The following XRCC4 variants were observed in gnomAD, a reference collection of about 807,000 sequenced individuals.
The protein encoded by XRCC4 is DNA repair protein XRCC4.
In XRCC4, 28 loss-of-function variants were observed where a neutral mutation model predicts 39.1. The observed-to-expected ratio is 0.72, with a 90% CI of 0.53 to 0.98. XRCC4 has a LOEUF of 0.98. Ranked by LOEUF, XRCC4 falls within the 50% of genes least tolerant of loss-of-function variation. The pLI, the probability that XRCC4 is intolerant of heterozygous loss-of-function variation, is 0.00. For missense variants in XRCC4, 350 were observed against 376.4 expected, an observed-to-expected ratio of 0.93 and a Z score of 0.58; for synonymous variants, 123 against 126.4, an observed-to-expected ratio of 0.97 and a Z score of 0.18.
chr5:83,253,384 A>G (rs1753401336), intron 6 of XRCC4, among the ~76,000 whole-genome samples: 1 of 152,012 alleles, frequency 6.6e-6, no homozygotes, highest in African/African-American at 2.4e-5. Flanking sequence ...TGCAAACAGT[A>G]CACATTTTTT....
Position 83,195,761 on chromosome 5 carries a change from TCA to T in XRCC4, c.316-8_316-7del. The T allele has an allele frequency of 6.5e-7, 1 of 1,539,706 alleles. No individual in the cohort carries two copies. The highest frequency in any genetic ancestry group is 1.3e-5 in the South Asian group (1 of 76,802). ...TCCCCAAATTAACCATGTTTTTCTT[TCA>T]TTTTAGTTCAGACTTGGTTCCTTCA... On this transcript the variant is annotated splice_polypyrimidine_tract_variant and splice_region_variant and intron_variant, in intron 3 of 7. Coordinates refer to ENST00000396027, the MANE Select transcript of XRCC4 (RefSeq NM_003401.5).
intron 3 of XRCC4, among the ~76,000 whole-genome samples, chr5:83,147,108 A>G (rs1748489550): frequency 6.6e-6 from 1 of 152,162 alleles, no homozygotes; most frequent in Admixed American, 6.5e-5. Flanking sequence ...TCTGAACCTT[A>G]GTATCATCGT....
rs1365232406 is a variant in XRCC4 at position 83,341,018 on chromosome 5, T to G, written c.894-12113T>G. Among the ~76,000 whole-genome samples the G allele has an allele frequency of 3.3e-5, 5 of 152,272 alleles. No individual in the cohort carries two copies. The East Asian group carries it at 9.7e-4, about 29-fold the overall frequency. On this transcript the variant is annotated intron_variant, in intron 7 of 7. Transcript: ENST00000396027. ...ATGGTTTCAGACTAATGGATGTTGT[T>G]TTCTCAGCGAAGAAGGTAATACAGC...
At chr5:83,240,244 G>A (rs1371909375) in intron 6 of XRCC4, among the ~76,000 whole-genome samples, 1 of 152,198 alleles carries the variant, frequency 6.6e-6, no homozygotes, top group Non-Finnish European at 1.5e-5. Context: ...CTGTGTGACT[G>A]ACTCAGAGTT....
At chr5:83,292,578 T>C (rs1561458279) in intron 7 of XRCC4, among the ~76,000 whole-genome samples, 1 of 151,966 alleles carries the variant, frequency 6.6e-6, no homozygotes. Flanking sequence ...AGTAGTACTA[T>C]ATTCCCCAAA....
intron 3 of XRCC4, among the ~76,000 whole-genome samples, chr5:83,129,612 G>A (rs6896034): frequency 0.49 from 74,127 of 151,540 alleles, 19,082 homozygotes; most frequent in African/African-American, 0.63. Flanking sequence ...CCATGAGCAT[G>A]GAATGTTCTT....
At chr5:83,177,708 T>G (rs2112639736) in intron 3 of XRCC4, among the ~76,000 whole-genome samples, 1 of 152,248 alleles carries the variant, frequency 6.6e-6, no homozygotes, top group South Asian at 2.1e-4. Context: ...ACGTGAAGAT[T>G]CAGGTTGGAA....
intron 6 of XRCC4, among the ~76,000 whole-genome samples, chr5:83,211,631 C>G (rs796750594): frequency 5.9e-5 from 9 of 152,252 alleles, no homozygotes; most frequent in African/African-American, 2.2e-4. Flanking sequence ...GCCCCTCCCC[C>G]AACAAAAGAA....
chr5:83,166,410 T>G (rs1026739902), intron 3 of XRCC4, among the ~76,000 whole-genome samples: 1 of 152,032 alleles, frequency 6.6e-6, no homozygotes, highest in African/African-American at 2.4e-5. Flanking sequence ...TCTTCCAAAG[T>G]GGTTGAACTA....
chr5:83,192,913 G>A (rs940910007), intron 3 of XRCC4, among the ~76,000 whole-genome samples: 1 of 152,144 alleles, frequency 6.6e-6, no homozygotes, highest in Admixed American at 6.5e-5. Flanking sequence ...ATAAAGAACA[G>A]CTGTGACAGT....
At chr5:83,202,059 A>AAG (rs1751226651) in intron 4 of XRCC4, 1 of 151,818 alleles carries the variant, frequency 6.6e-6, no homozygotes, top group African/African-American at 2.4e-5. Context: ...AAAAAAAACA[A>AAG]AAAACCTGCC....
At chr5:83,214,454 G>A (rs1450542984) in intron 6 of XRCC4, among the ~76,000 whole-genome samples, 6 of 152,114 alleles carry the variant, frequency 3.9e-5, no homozygotes, top group Non-Finnish European at 7.4e-5. Context: ...GGCCATGGTG[G>A]TGTATTCCTA....
At chr5:83,359,745 T>A in the XRCC4 span, among the ~76,000 whole-genome samples, 1 of 152,158 alleles carries the variant, frequency 6.6e-6, no homozygotes, top group African/African-American at 2.4e-5. Context: ...TTAACAAGTT[T>A]GTCGCAAGTT....
intron 3 of XRCC4, among the ~76,000 whole-genome samples, chr5:83,181,255 A>G (rs1426408569): frequency 1.2e-4 from 18 of 151,724 alleles, no homozygotes; most frequent in Admixed American, 1.2e-3. Context: ...AATTTTTTAT[A>G]TTTTAATTGT....
downstream of XRCC4, among the ~76,000 whole-genome samples, chr5:83,357,434 A>G (rs892297577): frequency 1.3e-5 from 2 of 152,280 alleles, no homozygotes; most frequent in East Asian, 3.9e-4. Context: ...GATTCAATTA[A>G]GAGATTATGA....
intron 1 of XRCC4, among the ~76,000 whole-genome samples, chr5:83,091,538 C>T (rs1561318645): frequency 6.6e-6 from 1 of 152,186 alleles, no homozygotes; most frequent in South Asian, 2.1e-4. Flanking sequence ...CACCCAGCCT[C>T]TGGTAACCAC....
In XRCC4 at chr5:83,353,170, C is replaced by T. The variant is rs1362904171; in HGVS notation, c.933C>T (p.His311=). The T allele has an allele frequency of 2.5e-6, 4 of 1,612,498 alleles. No homozygotes were observed. Among genetic ancestry groups the T allele is most frequent in the Non-Finnish European group, 3.4e-6 (4 of 1,179,168 alleles). Reference sequence around the variant, plus strand: ...TACCTGAGACGTCTAAAAAGGAGCACATCTCAGCTGAAAACATGTCTTTAG... The same window carrying T: ...TACCTGAGACGTCTAAAAAGGAGCATATCTCAGCTGAAAACATGTCTTTAG... The part of the protein sequence containing the change: ...SSLPETSKKE[H]ISAENMSLET... The change falls in exon 8 of 8, where the codon CAC becomes CAT. Residue 311 remains histidine, a synonymous_variant. Coordinates refer to ENST00000396027, the MANE Select transcript of XRCC4 (RefSeq NM_003401.5).
chr5:83,106,319 A>G (rs1336505780), intron 2 of XRCC4, among the ~76,000 whole-genome samples: 2 of 152,148 alleles, frequency 1.3e-5, no homozygotes, highest in Non-Finnish European at 2.9e-5. Context: ...AGTTCTAACA[A>G]CACAGCTTGG....
chr5:83,237,209 G>T (rs1336558715), intron 6 of XRCC4, among the ~76,000 whole-genome samples: 1 of 152,028 alleles, frequency 6.6e-6, no homozygotes, highest in Non-Finnish European at 1.5e-5. Flanking sequence ...CCACTGCTGG[G>T]TATATACCTA....
Sources: allele counts gnomAD v4.1 joint callset (sites outside exome capture counted in the v4.1 genomes callset), GRCh38; gene constraint gnomAD v4.1.1; transcripts MANE v1.5; gene names NCBI Gene and HGNC (gene_info 2026-07-23, HGNC 2026-07-21).